HECW1: variants seen among roughly 807,000 people sequenced by gnomAD.
The protein encoded by HECW1 is E3 ubiquitin-protein ligase HECW1.
Under a neutral mutation model 182.3 loss-of-function variants are expected in HECW1, and 61 were observed. That is an observed-to-expected ratio of 0.33 (90% CI 0.27 to 0.41). The LOEUF is 0.41. HECW1 is among the 10% of genes least tolerant of loss of function. The pLI, the probability that HECW1 is intolerant of heterozygous loss-of-function variation, is 1.00. For synonymous variants in HECW1, 859 were observed against 832.6 expected (o/e 1.03, Z -0.55); for missense variants, 1,739 against 2,108.9 (o/e 0.82, Z 3.44).
intron 6 of HECW1, among the ~76,000 whole-genome samples, chr7:43,372,056 A>G (rs564318621): frequency 3.2e-4 from 48 of 152,234 alleles, no homozygotes; most frequent in African/African-American, 1.2e-3. Flanking sequence ...TCCTGACCTC[A>G]GGAGATCTGC....
At chr7:43,507,707 C>T (rs778279472) in intron 22 of HECW1, among the ~76,000 whole-genome samples, 19 of 152,178 alleles carry the variant, frequency 1.2e-4, no homozygotes, top group Non-Finnish European at 2.4e-4. Context: ...TTATTTTCAT[C>T]TCAAAAAGCT....
At chr7:43,132,616 C>T (rs766011419) in intron 2 of HECW1, among the ~76,000 whole-genome samples, 5 of 152,146 alleles carry the variant, frequency 3.3e-5, no homozygotes, top group Admixed American at 6.5e-5. Flanking sequence ...TTTTTACTTA[C>T]TCAGTGTGAT....
chr7:43,262,951 T>C (rs1801341439), intron 3 of HECW1, among the ~76,000 whole-genome samples: 2 of 152,200 alleles, frequency 1.3e-5, no homozygotes, highest in Admixed American at 6.5e-5. Context: ...AACAGTCACA[T>C]CACATGTCTG....
Position 43,468,525 on chromosome 7 carries a change from CT to C in HECW1, c.2914-382del, listed in dbSNP as rs141068199. Among the ~76,000 whole-genome samples the C allele has an allele frequency of 1.8e-3, 269 of 145,528 alleles. 3 individuals carry two copies. Among genetic ancestry groups the C allele is most frequent in the South Asian group, 8.9e-3 (41 of 4,596 alleles). ...GGGGGCATGATTCAATGCACATTCA[CT>C]TTTTTTTTTTTTGGAGACAAGGCCT... On this transcript the variant is annotated intron_variant, in intron 15 of 29. Transcript: ENST00000395891.
At chr7:43,461,453 C>A (rs988596735) in intron 13 of HECW1, among the ~76,000 whole-genome samples, 1 of 152,188 alleles carries the variant, frequency 6.6e-6, no homozygotes, top group African/African-American at 2.4e-5. Flanking sequence ...ATCGTTGAAC[C>A]ATTTTGAGAA....
intron 2 of HECW1, among the ~76,000 whole-genome samples, chr7:43,142,481 G>T (rs1019916848): frequency 1.3e-5 from 2 of 152,082 alleles, no homozygotes; most frequent in African/African-American, 4.8e-5. Context: ...TCGAGGGTGG[G>T]CTGCTGTGCC....
At chr7:43,415,444 C>G (rs2075960369) in intron 8 of HECW1, among the ~76,000 whole-genome samples, 1 of 150,808 alleles carries the variant, frequency 6.6e-6, no homozygotes, top group African/African-American at 2.4e-5. Flanking sequence ...CGACCTTTCT[C>G]TCTGGCTGCC....
Position 43,444,446 on chromosome 7 carries a change from C to T in HECW1, c.1274C>T (p.Ala425Val). The T allele has an allele frequency of 1.2e-6, 2 of 1,613,762 alleles. No homozygotes were observed. The highest frequency in any genetic ancestry group is 1.1e-5 in the South Asian group (1 of 91,038). The change falls in exon 11 of 30, where the codon GCA becomes GTA. Residue 425 changes from alanine to valine, a missense_variant. Transcript: ENST00000395891. This position sits in a 1 kb window ranked among gnomAD's most constrained non-coding sequence, Gnocchi z 4.3. ...PAEEAAVITE[A>V]GDQGMVSVGP... Reference sequence around the variant, plus strand: ...GAGGAAGCAGCAGTCATCACGGAGGCAGGAGACCAGGGCATGGTCTCTGTG... The same window carrying T: ...GAGGAAGCAGCAGTCATCACGGAGGTAGGAGACCAGGGCATGGTCTCTGTG...
intron 2 of HECW1, among the ~76,000 whole-genome samples, chr7:43,137,668 G>T (rs1787707587): frequency 6.6e-6 from 1 of 151,918 alleles, no homozygotes; most frequent in African/African-American, 2.4e-5. Flanking sequence ...TCCCACCTCA[G>T]CCTCCCGAGT....
chr7:43,474,152 T>A (rs1007816830), intron 16 of HECW1, among the ~76,000 whole-genome samples: 1 of 152,174 alleles, frequency 6.6e-6, no homozygotes, highest in Non-Finnish European at 1.5e-5. Context: ...GGAGTTTCAA[T>A]CATAATCCTT....
intron 17 of HECW1, among the ~76,000 whole-genome samples, chr7:43,488,473 AAAG>A (rs1413321990): frequency 6.8e-6 from 1 of 146,834 alleles, no homozygotes; most frequent in African/African-American, 2.6e-5. Flanking sequence ...AGAAAGAAAG[AAAG>A]AAAGAAAGAA....
intron 3 of HECW1, among the ~76,000 whole-genome samples, chr7:43,281,032 G>A (rs1803830084): frequency 6.6e-6 from 1 of 152,074 alleles, no homozygotes; most frequent in Non-Finnish European, 1.5e-5. Context: ...ATTTTTGATG[G>A]CTTAAGATTC....
At chr7:43,117,699 T>C (rs1221119194) in intron 2 of HECW1, among the ~76,000 whole-genome samples, 2 of 152,250 alleles carry the variant, frequency 1.3e-5, no homozygotes, top group East Asian at 3.9e-4. Flanking sequence ...ATATTAGCAA[T>C]TTTATGTATC....
At chr7:43,152,845 C>G (rs1336012892) in intron 2 of HECW1, among the ~76,000 whole-genome samples, 1 of 152,176 alleles carries the variant, frequency 6.6e-6, no homozygotes, top group African/African-American at 2.4e-5. Context: ...CTCCAGACTT[C>G]TTCCTGTGGA....
chr7:43,529,139 T>A (rs1238471883), intron 24 of HECW1, among the ~76,000 whole-genome samples: 1 of 152,082 alleles, frequency 6.6e-6, no homozygotes, highest in Admixed American at 6.5e-5. Context: ...TGTCAGAAAC[T>A]GAAAACTCTA....
intron 16 of HECW1, among the ~76,000 whole-genome samples, chr7:43,479,169 C>G (rs989123885): frequency 1.3e-5 from 2 of 152,162 alleles, no homozygotes; most frequent in African/African-American, 4.8e-5. Context: ...AATCCTATAG[C>G]TCACTGTGAT....
In HECW1 at chr7:43,561,180, G is replaced by A. The variant is rs368590802; in HGVS notation, c.4710-635G>A. Among the ~76,000 whole-genome samples the A allele has an allele frequency of 3.0e-3, 456 of 152,356 alleles. 4 individuals are homozygous for A. The highest frequency in any genetic ancestry group is 0.011 in the African/African-American group (438 of 41,574). On this transcript the variant is annotated intron_variant, in intron 29 of 29. Coordinates refer to ENST00000395891, the MANE Select transcript of HECW1 (RefSeq NM_015052.5). ...AAGGCAGACACTGGCCATGCAGGAG[G>A]AAGCACATGAAGCAAGCTAGAACCC...
intron 2 of HECW1, among the ~76,000 whole-genome samples, chr7:43,134,068 G>GT (rs1237028988): frequency 2.6e-5 from 4 of 152,156 alleles, no homozygotes; most frequent in African/African-American, 4.8e-5. Flanking sequence ...CCTAAATTAT[G>GT]TTTTTTTATA....
intron 4 of HECW1, among the ~76,000 whole-genome samples, chr7:43,318,089 T>C (rs1244835503): frequency 6.6e-6 from 1 of 152,208 alleles, no homozygotes; most frequent in Non-Finnish European, 1.5e-5. Flanking sequence ...CAGAACAAAG[T>C]ACCCAATACC....
Sources: gnomAD v4.1 joint callset for allele counts (sites outside exome capture counted in the v4.1 genomes callset) on GRCh38, gnomAD v4.1.1 for gene constraint, Gnocchi (gnomAD v3.1) non-coding constraint, MANE v1.5 for transcripts, NCBI Gene and HGNC (gene_info 2026-07-23, HGNC 2026-07-21) for gene names.